The following EPHA2 variants were observed in gnomAD, a reference collection of about 807,000 sequenced individuals.
The protein encoded by EPHA2 is EPH receptor A2.
In EPHA2, 54 loss-of-function variants were observed where a neutral mutation model predicts 104.9. The ratio of observed to expected loss-of-function variants is 0.51; its 90% CI spans 0.41 to 0.65. The LOEUF (loss-of-function observed/expected upper bound fraction) is 0.65, where lower values mean the gene tolerates loss of function less well. Among genes scored for constraint, EPHA2 ranks in the 30% least tolerant of loss-of-function variants. The pLI is 0.00. For missense variants in EPHA2, 1,117 were observed against 1,369.5 expected (o/e 0.82, Z 2.91); for synonymous variants, 560 against 559.1 (o/e 1.00, Z -0.02).
chr1:16,139,003 G>A (rs930709908), intron 3 of EPHA2, among the ~76,000 whole-genome samples: 1 of 152,210 alleles, frequency 6.6e-6, no homozygotes, highest in African/African-American at 2.4e-5. Context: ...TTTCCATCCG[G>A]GGCTGACCAG....
chr1:16,134,010 C>T lies in EPHA2; in HGVS notation c.1683-95G>A. ...TGGCCCTACTTTGGTCCTAGGAGGACCTGGGGTGCTCAGAATGCGGCCCAG... is the reference window on the plus strand; with the variant it reads ...TGGCCCTACTTTGGTCCTAGGAGGATCTGGGGTGCTCAGAATGCGGCCCAG... On this transcript the variant is annotated intron_variant, in intron 8 of 16. Coordinates refer to ENST00000358432, the MANE Select transcript of EPHA2 (RefSeq NM_004431.5). The surrounding 1 kb of genome is among the most constrained non-coding windows in gnomAD (Gnocchi z 4.5). 2.3e-6 allele frequency: 3 copies of T among 1,300,412 alleles called. No homozygotes were observed. The Admixed American group carries it at 7.5e-5, about 32-fold the overall frequency. 80.6% of individuals were successfully genotyped at this position (1,300,412 alleles called of 1,614,324 possible). A position where few individuals can be genotyped will look rare whatever the true frequency, so the allele number is the denominator to read the frequency against.
chr1:16,155,744 G>T, intron 1 of EPHA2, 104 bp downstream of exon 1: 1 of 945,894 alleles, frequency 1.1e-6, no homozygotes, highest in South Asian at 2.5e-5. Flanking sequence ...CGCCGGGACT[G>T]GGCGACACCA....
In EPHA2 at chr1:16,135,619, C is replaced by T. The variant is rs367600519; in HGVS notation, c.1428+36G>A. On this transcript the variant is annotated intron_variant, in intron 6 of 16. Coordinates refer to ENST00000358432, the MANE Select transcript of EPHA2 (RefSeq NM_004431.5). This position sits in a 1 kb window ranked among gnomAD's most constrained non-coding sequence, Gnocchi z 4.3. ...TGACCAGCCTGTCCCCTGCTGTCGG[C>T]CCAGCTAGAGCCAGCCCCGCCCCTC... 7.0e-5 allele frequency: 112 copies of T among 1,593,216 alleles called. No individual in the cohort carries two copies. The highest frequency in any genetic ancestry group is 4.9e-4 in the South Asian group (44 of 90,682).
intron 5 of EPHA2, among the ~76,000 whole-genome samples, chr1:16,137,399 C>A (rs1044236956): frequency 1.3e-5 from 2 of 151,772 alleles, no homozygotes; most frequent in Admixed American, 1.3e-4. Flanking sequence ...GAGATCGAGA[C>A]CAGCCTGGCC....
In EPHA2 at chr1:16,133,531, G is replaced by A. The variant is rs753345828; in HGVS notation, c.1814C>T (p.Thr605Ile). The part of the protein sequence containing the change: ...EDPNQAVLKF[T>I]TEIHPSCVTR... The stretch of plus-strand genomic sequence containing the variant: ...GACACAGGATGGATGGATCTCGGTA[G>A]TGAACTTCAACACAGCCTGGTTGGG... The change falls in exon 10 of 17, where the codon ACT becomes ATT. Residue 605 changes from threonine (T) to isoleucine (I), a missense_variant. Thr to Ile is a moderately conservative substitution (Grantham distance 89). This residue lies in a region of EPHA2 where 113 missense variants were observed against 104.3 expected (regional missense o/e 1.08). Transcript: ENST00000358432. 31 of 1,614,160 alleles carry A rather than the reference G, an allele frequency of 1.9e-5. No individual in the cohort carries two copies. In the South Asian group the frequency reaches 2.6e-4, roughly 14 times the overall value.
Position 16,138,183 on chromosome 1 carries a change from G to A in EPHA2, c.982C>T (p.Pro328Ser), listed in dbSNP as rs890846452. The A allele has an allele frequency of 6.2e-6, 10 of 1,609,842 alleles. No individual in the cohort carries two copies. The African/African-American group carries it at 1.2e-4, about 19-fold the overall frequency. The change falls in exon 5 of 17, where the codon CCC becomes TCC. Residue 328 changes from proline (P) to serine (S), a missense_variant and splice_region_variant. By Grantham distance (74) the Pro-to-Ser change is moderately conservative. Transcript: ENST00000358432. The part of the protein sequence containing the change: ...QDPASMPCTR[P>S]PSAPHYLTAV... ...GTGAGGTAGTGTGGGGCGGAGGGGGGTCCTGCACAGACAGGAGGAGTCAGT... is the reference window on the plus strand; with the variant it reads ...GTGAGGTAGTGTGGGGCGGAGGGGGATCCTGCACAGACAGGAGGAGTCAGT...
intron 5 of EPHA2, among the ~76,000 whole-genome samples, chr1:16,136,713 AAAGAAGAAGAAGAAGAAGAAG>A (rs202150956): frequency 9.7e-5 from 10 of 102,734 alleles, no homozygotes; most frequent in Middle Eastern, 4.1e-3. Flanking sequence ...AAGAAGAAGA[AAAGAAGAAGAAGAAGAAGAAG>A]AAGAAGAAGA....
Position 16,125,465 on chromosome 1 carries a change from T to G in EPHA2, c.2826-145A>C. The G allele has an allele frequency of 1.5e-6, 1 of 648,222 alleles. No homozygotes were observed. The highest frequency in any genetic ancestry group is 2.7e-6 in the Non-Finnish European group (1 of 375,404). The allele number at this position is 648,222 out of a possible 1,614,324, so 40.2% of individuals were successfully genotyped here. ...GGGTGGAGAGGGTGCCTTGGGGACC[T>G]GTAGGGCAAGAGAGCTCTGGTTAGG... On this transcript the variant is annotated intron_variant, in intron 16 of 16. Transcript: ENST00000358432. This position sits in a 1 kb window ranked among gnomAD's most constrained non-coding sequence, Gnocchi z 4.9.
rs1460528382 is a variant in EPHA2, at chr1:16,131,850, G to A, written c.2346C>T (p.Arg782=). The A allele has an allele frequency of 6.2e-7, 1 of 1,613,942 alleles. No homozygotes were observed. Residue 782 remains arginine, a synonymous_variant, in exon 14 of 17, where the codon CGC becomes CGT. Coordinates refer to ENST00000358432, the MANE Select transcript of EPHA2 (RefSeq NM_004431.5). The surrounding 1 kb of genome is among the most constrained non-coding windows in gnomAD (Gnocchi z 5.2). Reference sequence around the variant, plus strand: ...AGGAAATGGCCTCCGGGGCGGTCCAGCGGATGGGGATCTTGCCGCCCTGCA... The same window carrying A: ...AGGAAATGGCCTCCGGGGCGGTCCAACGGATGGGGATCTTGCCGCCCTGCA... ...YTTSGGKIPI[R]WTAPEAISYR...
Position 16,155,897 on chromosome 1 carries a change from C to T in EPHA2, c.36G>A (p.Leu12=), listed in dbSNP as rs2124283456. The change falls in exon 1 of 17, where the codon CTG becomes CTA. Residue 12 remains leucine (L), a synonymous_variant. Transcript: ENST00000358432. ...CCGCGGCCAGCGCACAGCCCCACAGCAGGGCGAAGCAGGCGCGGGCTGCCT... is the reference window on the plus strand; with the variant it reads ...CCGCGGCCAGCGCACAGCCCCACAGTAGGGCGAAGCAGGCGCGGGCTGCCT... ...ELQAARACFA[L]LWGCALAAAA... 1 of 1,488,154 alleles carries T rather than the reference C, an allele frequency of 6.7e-7. No homozygotes were observed. Among genetic ancestry groups the T allele is most frequent in the East Asian group, 2.9e-5 (1 of 34,808 alleles). The allele number at this position is 1,488,154 out of a possible 1,614,324, so 92.2% of individuals were successfully genotyped here.
intron 1 of EPHA2, among the ~76,000 whole-genome samples, chr1:16,152,686 T>C (rs4661709): frequency 0.94 from 143,007 of 152,266 alleles, 67,192 homozygotes; most frequent in Middle Eastern, 0.98. Context: ...AGCCCCCCCT[T>C]AGATTGACAG....
rs375814473 is a variant in EPHA2 at position 16,135,816 on chromosome 1, G to A, written c.1313-46C>T. On this transcript the variant is annotated intron_variant, in intron 5 of 16. Coordinates refer to ENST00000358432, the MANE Select transcript of EPHA2 (RefSeq NM_004431.5). The surrounding 1 kb of genome is among the most constrained non-coding windows in gnomAD (Gnocchi z 4.3). ...GGGAAGTGGGTAAGAAGCTGCCTAC[G>A]AGCAGGCAGGGTTTGGGGGGACAAG... is the stretch of plus-strand genomic sequence containing the variant. 115 of 952,294 alleles carry A rather than the reference G, an allele frequency of 1.2e-4. No homozygotes were observed. The highest frequency in any genetic ancestry group is 1.2e-4 in the Non-Finnish European group (70 of 584,528). The allele number at this position is 952,294 out of a possible 1,614,324, so 59.0% of individuals were successfully genotyped here.
intron 5 of EPHA2, among the ~76,000 whole-genome samples, chr1:16,137,394 C>T (rs559093587): frequency 8.6e-5 from 13 of 151,838 alleles, no homozygotes; most frequent in South Asian, 6.2e-4. Context: ...GTCAGGAGAT[C>T]GAGACCAGCC....
chr1:16,150,998 G>A lies in EPHA2; in HGVS notation c.86-35C>T. On this transcript the variant is annotated intron_variant, in intron 1 of 16. Coordinates refer to ENST00000358432, the MANE Select transcript of EPHA2 (RefSeq NM_004431.5). This position sits in a 1 kb window ranked among gnomAD's most constrained non-coding sequence, Gnocchi z 4.8. ...AGAAGGGAGAGGGGGTGAGCCTGGGGGTGTCTTCAGGAGTCAGACCATGGC... is the reference window on the plus strand; with the variant it reads ...AGAAGGGAGAGGGGGTGAGCCTGGGAGTGTCTTCAGGAGTCAGACCATGGC... 1 of 1,608,448 alleles carries A rather than the reference G, an allele frequency of 6.2e-7. No individual in the cohort carries two copies.
chr1:16,140,232 G>A (rs556403965), intron 3 of EPHA2, among the ~76,000 whole-genome samples: 3 of 152,290 alleles, frequency 2.0e-5, no homozygotes, highest in South Asian at 2.1e-4. Flanking sequence ...ACAAACAGCC[G>A]CTCTCACCCC....
chr1:16,133,814 G>C (rs1178504554), intron 9 of EPHA2, 46 bp downstream of exon 9: 1 of 1,522,334 alleles, frequency 6.6e-7, no homozygotes, highest in South Asian at 1.3e-5. Flanking sequence ...ACAGAGCTGG[G>C]GACGGTGCGG....
intron 3 of EPHA2, among the ~76,000 whole-genome samples, chr1:16,142,289 G>A (rs1336154102): frequency 6.6e-6 from 1 of 152,218 alleles, no homozygotes; most frequent in East Asian, 1.9e-4. Flanking sequence ...GCTAGGATGC[G>A]ATGGTGAGAC....
Position 16,150,635 on chromosome 1 carries a change from C to T in EPHA2, c.153+261G>A, listed in dbSNP as rs1217285065. On this transcript the variant is annotated intron_variant, in intron 2 of 16. Transcript: ENST00000358432. This position sits in a 1 kb window ranked among gnomAD's most constrained non-coding sequence, Gnocchi z 4.8. Reference sequence around the variant, plus strand: ...CTGGAACATGGAAGGCCCAGCTCCGCTAGGGCCTTCTCTGTCTCCCCAGTT... The same window carrying T: ...CTGGAACATGGAAGGCCCAGCTCCGTTAGGGCCTTCTCTGTCTCCCCAGTT... 1.3e-5 allele frequency among the ~76,000 whole-genome samples: 2 copies of T among 152,218 alleles called. No individual in the cohort carries two copies. The highest frequency in any genetic ancestry group is 2.9e-5 in the Non-Finnish European group (2 of 68,040).
chr1:16,124,985 T>C lies in EPHA2; in HGVS notation c.*230A>G, dbSNP rs1417001565. ...GATGCTGGGACGTGGCGGTGCCTGCTAAGTGCTCAGCTGTGTGCGTCTCGC... is the reference window on the plus strand; with the variant it reads ...GATGCTGGGACGTGGCGGTGCCTGCCAAGTGCTCAGCTGTGTGCGTCTCGC... On this transcript the variant is annotated 3_prime_UTR_variant, in exon 17 of 17. Transcript: ENST00000358432. 5.4e-6 allele frequency: 3 copies of C among 560,720 alleles called. No individual in the cohort carries two copies. The highest frequency in any genetic ancestry group is 9.7e-6 in the Non-Finnish European group (3 of 310,092). 34.7% of individuals were successfully genotyped at this position (560,720 alleles called of 1,614,324 possible). A position where few individuals can be genotyped will look rare whatever the true frequency, so the allele number is the denominator to read the frequency against.
Sources: gnomAD v4.1 joint callset for allele counts (sites outside exome capture counted in the v4.1 genomes callset) on GRCh38, gnomAD v4.1.1 for gene constraint, gnomAD v4.1.1 regional missense constraint, Gnocchi (gnomAD v3.1) non-coding constraint, MANE v1.5 for transcripts, NCBI Gene and HGNC (gene_info 2026-07-23, HGNC 2026-07-21) for gene names.